The following LRRK2 variants were observed in gnomAD, a reference collection of about 807,000 sequenced individuals.
LRRK2 encodes leucine rich repeat kinase 2.
In LRRK2, 203 loss-of-function variants were observed where a neutral mutation model predicts 302.6. That is an observed-to-expected ratio of 0.67 (90% confidence interval 0.60 to 0.75). The LOEUF (loss-of-function observed/expected upper bound fraction) is 0.75, where lower values mean the gene tolerates loss of function less well. LRRK2 is among the 30% of genes least tolerant of loss of function. LRRK2 has a pLI of 0.00. For synonymous variants in LRRK2, 1,066 were observed against 1,031.9 expected (o/e 1.03, Z -0.63); for missense variants, 2,830 against 2,951.0 (o/e 0.96, Z 0.95).
intron 47 of LRRK2, 95 bp downstream of exon 47, chr12:40,359,539 A>T (rs1354089369): frequency 1.0e-6 from 1 of 986,540 alleles, no homozygotes; most frequent in Admixed American, 2.6e-5. Context: ...CATAAGGAAG[A>T]TCTTTTAAAA....
intron 25 of LRRK2, chr12:40,301,168 C>A (rs1592253080): frequency 2.2e-6 from 1 of 453,956 alleles, no homozygotes; most frequent in East Asian, 7.0e-5. Flanking sequence ...AGTGGTCTTA[C>A]ATTTGAGAAG....
At position 40,236,657 on chromosome 12, in the gene LRRK2, G is replaced by A. The variant is rs193005154; in HGVS notation, c.436+943G>A. ...GAGGATAGCATGAGAGAGGCTGGACGTGTGATTGGGAAGGTTTGAATTGTC... is the reference window on the plus strand; with the variant it reads ...GAGGATAGCATGAGAGAGGCTGGACATGTGATTGGGAAGGTTTGAATTGTC... On this transcript the variant is annotated intron_variant, in intron 4 of 50. Coordinates refer to ENST00000298910, the MANE Select transcript of LRRK2 (RefSeq NM_198578.4). Among the ~76,000 whole-genome samples the A allele has an allele frequency of 7.2e-4, 109 of 152,274 alleles. 1 individual carries two copies. Among genetic ancestry groups the A allele is most frequent in the Admixed American group, 1.4e-3 (22 of 15,288 alleles).
At chr12:40,305,653 T>C in intron 27 of LRRK2, 132 bp from the exon 28 acceptor site, 1 of 808,890 alleles carries the variant, frequency 1.2e-6, no homozygotes, top group South Asian at 1.4e-5. Flanking sequence ...TGGAAAGTTT[T>C]AAAACTCTGT....
chr12:40,240,603 C>A lies in LRRK2; in HGVS notation c.692C>A (p.Ser231Tyr). ...IVLHVLHCLHSLAIPCNNVEV... is the reference protein window; with the variant it reads ...IVLHVLHCLHYLAIPCNNVEV... ...CTTCATGTGCTGCATTGTTTACATT[C>A]CCTAGCGATTCCTTGTAAGTAGCAT... Residue 231 changes from serine (S) to tyrosine (Y), a missense_variant, in exon 6 of 51, where the codon TCC becomes TAC. Transcript: ENST00000298910. 6.2e-7 allele frequency: 1 copy of A among 1,613,176 alleles called. No individual in the cohort carries two copies. Among genetic ancestry groups the A allele is most frequent in the Non-Finnish European group, 8.5e-7 (1 of 1,179,516 alleles).
In LRRK2 at chr12:40,252,952, T is replaced by G. The variant is rs1161551642; in HGVS notation, c.1224T>G (p.His408Gln). 12 of 1,613,344 alleles carry G rather than the reference T, an allele frequency of 7.4e-6. No individual in the cohort carries two copies. The highest frequency in any genetic ancestry group is 1.0e-5 in the Non-Finnish European group (12 of 1,179,572). ...AAGTGATGCTCTCCATGCTGATGCA[T>G]TCTTCATCAAAGGAAGTTTTCCAGG... The part of the protein sequence containing the change: ...HREVMLSMLM[H>Q]SSSKEVFQAS... The change falls in exon 11 of 51, where the codon CAT becomes CAG. Residue 408 changes from histidine (H) to glutamine (Q), a missense_variant. His to Gln is a conservative substitution (Grantham distance 24, BLOSUM62 0). Around this residue, in one of 3 missense-constraint regions of LRRK2, gnomAD observed 2,121 missense variants for 2,148.0 expected, o/e 0.99. Coordinates refer to ENST00000298910, the MANE Select transcript of LRRK2 (RefSeq NM_198578.4).
At chr12:40,297,580 G>A (rs1031512665) in intron 23 of LRRK2, among the ~76,000 whole-genome samples, 7 of 152,102 alleles carry the variant, frequency 4.6e-5, no homozygotes, top group Admixed American at 1.3e-4. Flanking sequence ...AGAGTTTCTC[G>A]TGTGGATAAA....
At chr12:40,251,780 G>A (rs1158108176) in intron 10 of LRRK2, among the ~76,000 whole-genome samples, 2 of 152,138 alleles carry the variant, frequency 1.3e-5, no homozygotes, top group African/African-American at 2.4e-5. Flanking sequence ...GGGTCATTTG[G>A]TAATTCATGA....
intron 7 of LRRK2, 71 bp downstream of exon 7, chr12:40,243,752 G>T: frequency 1.5e-6 from 2 of 1,335,922 alleles, no homozygotes; most frequent in African/African-American, 1.4e-5. Flanking sequence ...TATATATGTT[G>T]CATAATAATG....
chr12:40,327,607 G>A (rs149545691), intron 38 of LRRK2, among the ~76,000 whole-genome samples: 270 of 152,268 alleles, frequency 1.8e-3, no homozygotes, highest in Non-Finnish European at 2.2e-3. Flanking sequence ...AGTAGGCAAC[G>A]CGGAATAATT....
chr12:40,275,016 AAT>A, intron 16 of LRRK2, 23 bp downstream of exon 16: 1 of 1,613,508 alleles, frequency 6.2e-7, no homozygotes, highest in South Asian at 1.1e-5. Flanking sequence ...TCTTGGAAAG[AAT>A]TTGGGAACTT....
chr12:40,232,210 TTGAC>T (rs1941234383), intron 2 of LRRK2, 60 bp from the exon 3 acceptor site: 4 of 1,148,494 alleles, frequency 3.5e-6, no homozygotes, highest in East Asian at 2.3e-5. Flanking sequence ...AGATTCATGT[TTGAC>T]TGAGTATGCT....
At chr12:40,253,166 G>A in intron 11 of LRRK2, 150 bp downstream of exon 11, 20 of 575,936 alleles carry the variant, frequency 3.5e-5, no homozygotes, top group South Asian at 1.1e-4. Flanking sequence ...ATTGACATAT[G>A]GATTATGAAT....
chr12:40,329,556 C>T (rs1945650874), intron 39 of LRRK2, among the ~76,000 whole-genome samples: 1 of 151,916 alleles, frequency 6.6e-6, no homozygotes, highest in African/African-American at 2.4e-5. Flanking sequence ...TTTATTTGTA[C>T]AGAACCAAAA....
At chr12:40,336,461 T>C (rs944621424) in intron 40 of LRRK2, among the ~76,000 whole-genome samples, 6 of 152,218 alleles carry the variant, frequency 3.9e-5, no homozygotes, top group Non-Finnish European at 8.8e-5. Flanking sequence ...CTTTTCGTCT[T>C]GTTTGCCATT....
intron 2 of LRRK2, among the ~76,000 whole-genome samples, chr12:40,230,841 TAGTC>T (rs1438240991): frequency 6.6e-6 from 1 of 152,132 alleles, no homozygotes; most frequent in Non-Finnish European, 1.5e-5. Flanking sequence ...AAGAGCAACT[TAGTC>T]AAGTTGGCAT....
intron 40 of LRRK2, 83 bp downstream of exon 40, chr12:40,335,240 T>C: frequency 7.3e-7 from 1 of 1,369,368 alleles, no homozygotes; most frequent in Non-Finnish European, 1.0e-6. Flanking sequence ...CACTTCCCAG[T>C]AACACTGTGC....
At chr12:40,260,487 G>C (rs547332585) in intron 13 of LRRK2, among the ~76,000 whole-genome samples, 3 of 151,718 alleles carry the variant, frequency 2.0e-5, no homozygotes, top group East Asian at 3.9e-4. Flanking sequence ...GGTGAGTGAG[G>C]CATGGAGGAT....
chr12:40,364,802 A>G (rs1408245159), intron 48 of LRRK2, 40 bp from the exon 49 acceptor site: 2 of 1,432,804 alleles, frequency 1.4e-6, no homozygotes, highest in Non-Finnish European at 2.0e-6. Context: ...TTATCTCTTA[A>G]TTGGTGGTAA....
Position 40,308,710 on chromosome 12 carries a change from T to C in LRRK2, c.4189+14T>C, listed in dbSNP as rs1324322233. Reference sequence around the variant, plus strand: ...GGGATTTTGCAGGTATTTCTTTCTATAGAATTTTAAAATTCACTTTTACCA... The same window carrying C: ...GGGATTTTGCAGGTATTTCTTTCTACAGAATTTTAAAATTCACTTTTACCA... On this transcript the variant is annotated intron_variant, in intron 29 of 50. Transcript: ENST00000298910. The C allele has an allele frequency of 1.6e-5, 25 of 1,609,502 alleles. No individual in the cohort carries two copies. The highest frequency in any genetic ancestry group is 2.1e-5 in the Non-Finnish European group (25 of 1,176,608).
Sources: allele counts gnomAD v4.1 joint callset (sites outside exome capture counted in the v4.1 genomes callset), GRCh38; gene constraint gnomAD v4.1.1; regional missense constraint gnomAD v4.1.1; transcripts MANE v1.5; gene names NCBI Gene and HGNC (gene_info 2026-07-23, HGNC 2026-07-21).